The following ADGRD1 variants were observed in gnomAD, a reference collection of about 807,000 sequenced individuals.
ADGRD1 encodes the protein adhesion G protein-coupled receptor D1, also known as G-protein coupled receptor 133.
In ADGRD1, 77 loss-of-function variants were observed where a neutral mutation model predicts 113.4. The ratio of observed to expected loss-of-function variants is 0.68; its 90% confidence interval spans 0.57 to 0.82. The LOEUF (loss-of-function observed/expected upper bound fraction) is 0.82. ADGRD1 is among the 40% of genes least tolerant of loss of function. The pLI, the probability that ADGRD1 is intolerant of heterozygous loss-of-function variation, is 0.00. For synonymous variants in ADGRD1, 474 were observed against 475.0 expected (o/e 1.00, Z 0.03); for missense variants, 1,036 against 1,139.1 (o/e 0.91, Z 1.30).
chr12:131,121,278 CT>C lies in ADGRD1; in HGVS notation c.2175+366del, dbSNP rs558369420. Among the ~76,000 whole-genome samples, 443 of 152,364 alleles carry C rather than the reference CT, an allele frequency of 2.9e-3. 1 individual carries two copies. The highest frequency in any genetic ancestry group is 4.7e-3 in the Non-Finnish European group (323 of 68,034). Reference sequence around the variant, plus strand: ...CTCAGGAGTCACCAGGACTCCAAGGCTGCAGAGGGGAATCTCAGCAGAAGCC... The same window carrying C: ...CTCAGGAGTCACCAGGACTCCAAGGCGCAGAGGGGAATCTCAGCAGAAGCC... On this transcript the variant is annotated intron_variant, in intron 20 of 24. Transcript: ENST00000261654.
At chr12:131,101,361 T>G (rs1364393081) in intron 15 of ADGRD1, among the ~76,000 whole-genome samples, 3 of 141,168 alleles carry the variant, frequency 2.1e-5, no homozygotes, top group African/African-American at 7.7e-5. Flanking sequence ...TTTATTTTTT[T>G]TCTTTTTCTT....
intron 11 of ADGRD1, 96 bp downstream of exon 11, chr12:131,004,392 G>GCTGCGGTGCTTCCCCGGGCCGC: frequency 3.8e-6 from 3 of 790,718 alleles, no homozygotes; most frequent in Admixed American, 2.1e-5. Flanking sequence ...GCGCCAGGGA[G>GCTGCGGTGCTTCCCCGGGCCGC]CTGCGGTGCT....
chr12:131,073,752 G>A (rs7979065), intron 13 of ADGRD1, among the ~76,000 whole-genome samples: 47 of 152,340 alleles, frequency 3.1e-4, no homozygotes, highest in African/African-American at 1.1e-3. Context: ...TGGTGGAAAA[G>A]GGAAAGGAAA....
chr12:131,011,897 G>A (rs921333346), intron 12 of ADGRD1, among the ~76,000 whole-genome samples: 2 of 152,208 alleles, frequency 1.3e-5, no homozygotes, highest in African/African-American at 4.8e-5. Flanking sequence ...CCTTGGAGTC[G>A]CGTGCGGGGC....
chr12:131,030,760 A>G (rs922264631), intron 13 of ADGRD1: 7 of 152,262 alleles, frequency 4.6e-5, no homozygotes, highest in African/African-American at 1.2e-4. Context: ...TGACACCTCA[A>G]TGTGGCACAC....
chr12:131,002,736 C>T (rs748867974), intron 9 of ADGRD1: 14 of 1,255,420 alleles, frequency 1.1e-5, no homozygotes, highest in East Asian at 6.0e-5. Flanking sequence ...GCCGGCACCT[C>T]GGAAGCAGCC....
chr12:131,130,126 A>C (rs571937477), intron 20 of ADGRD1, among the ~76,000 whole-genome samples: 18 of 152,206 alleles, frequency 1.2e-4, no homozygotes, highest in Non-Finnish European at 2.4e-4. Flanking sequence ...GTCGTTACAC[A>C]GTGAGGTTGG....
intron 13 of ADGRD1, among the ~76,000 whole-genome samples, chr12:131,014,656 T>C (rs1878352361): frequency 6.6e-6 from 1 of 151,950 alleles, no homozygotes; most frequent in Non-Finnish European, 1.5e-5. Context: ...AGGAGGGGGG[T>C]ACCTTGGCCA....
At chr12:130,962,263 C>G (rs1870452527) in intron 2 of ADGRD1, 1 of 152,232 alleles carries the variant, frequency 6.6e-6, no homozygotes, top group African/African-American at 2.4e-5. Flanking sequence ...CTGGCCTCAA[C>G]CCTGCTCTTC....
intron 13 of ADGRD1, chr12:131,035,464 G>T (rs891823522): frequency 6.6e-6 from 1 of 152,250 alleles, no homozygotes; most frequent in Admixed American, 6.5e-5. Flanking sequence ...GCCCCGAGGG[G>T]CCCGGAGTTC....
rs574602415 is a variant in ADGRD1, at chr12:130,962,782, G to C, written c.104-3681G>C. 5 of 152,242 alleles carry C rather than the reference G, an allele frequency of 3.3e-5. No individual in the cohort carries two copies. In the East Asian group the frequency reaches 9.7e-4, roughly 29 times the overall value. 9.4% of individuals were successfully genotyped at this position (152,242 alleles called of 1,614,324 possible). On this transcript the variant is annotated intron_variant, in intron 2 of 24. Transcript: ENST00000261654. ...ATACTTCTCTTTAGCTCATATTACA[G>C]AGTTAACTTTGTTCCTGGCTTACAT...
intron 13 of ADGRD1, 140 bp downstream of exon 13, chr12:131,014,480 G>C (rs1878327290): frequency 2.6e-6 from 2 of 774,304 alleles, no homozygotes; most frequent in Non-Finnish European, 2.0e-6. Flanking sequence ...TCTCCCTGGA[G>C]CTCCTTCTCT....
At chr12:130,994,064 A>C (rs977227415) in intron 8 of ADGRD1, 6 of 240,158 alleles carry the variant, frequency 2.5e-5, no homozygotes, top group Admixed American at 4.4e-5. Flanking sequence ...AACCAAGGGG[A>C]GTGGGATTAG....
At chr12:131,064,619 A>G (rs1370090241) in intron 13 of ADGRD1, among the ~76,000 whole-genome samples, 1 of 152,226 alleles carries the variant, frequency 6.6e-6, no homozygotes, top group Admixed American at 6.5e-5. Flanking sequence ...AATTTATGAA[A>G]CACTGTAAGG....
chr12:131,002,732 A>C, intron 9 of ADGRD1: 1 of 1,254,286 alleles, frequency 8.0e-7, no homozygotes, highest in Non-Finnish European at 1.0e-6. Flanking sequence ...GGGTGCCGGC[A>C]CCTCGGAAGC....
At chr12:131,016,345 G>A (rs1189770166) in intron 13 of ADGRD1, among the ~76,000 whole-genome samples, 1 of 152,258 alleles carries the variant, frequency 6.6e-6, no homozygotes, top group Non-Finnish European at 1.5e-5. Flanking sequence ...CTCAGGAGAC[G>A]CTTGCTGAGT....
intron 12 of ADGRD1, among the ~76,000 whole-genome samples, chr12:131,010,880 G>A (rs1002830520): frequency 1.3e-5 from 2 of 152,264 alleles, no homozygotes; most frequent in South Asian, 2.1e-4. Context: ...AGGGGCCCCC[G>A]GGGCAGCGAC....
intron 14 of ADGRD1, among the ~76,000 whole-genome samples, chr12:131,082,734 CCT>C (rs1886163774): frequency 6.6e-6 from 1 of 152,050 alleles, no homozygotes; most frequent in Non-Finnish European, 1.5e-5. Context: ...AGGACATGAC[CCT>C]GTCTTTAAGT....
chr12:131,129,284 T>C (rs1950841457), intron 20 of ADGRD1, among the ~76,000 whole-genome samples: 1 of 141,396 alleles, frequency 7.1e-6, no homozygotes, highest in Non-Finnish European at 1.5e-5. Context: ...CCCTCCTGTC[T>C]GGGTGTGAGT....
Sources: allele counts gnomAD v4.1 joint callset (sites outside exome capture counted in the v4.1 genomes callset), GRCh38; gene constraint gnomAD v4.1.1; transcripts MANE v1.5; gene names NCBI Gene and HGNC (gene_info 2026-07-23, HGNC 2026-07-21).